BEND6: variants seen among roughly 807,000 people sequenced by gnomAD.
BEND6 encodes the protein BEN domain-containing protein 6.
In BEND6, 24 loss-of-function variants were observed where a neutral mutation model predicts 31.8. The observed-to-expected ratio is 0.75, with a 90% confidence interval of 0.55 to 1.06. The LOEUF (loss-of-function observed/expected upper bound fraction) is 1.06, where lower values mean the gene tolerates loss of function less well. Ranked by LOEUF, BEND6 falls within the 50% of genes least tolerant of loss-of-function variation. The pLI is 0.00. For missense variants in BEND6, 294 were observed against 327.4 expected, an observed-to-expected ratio of 0.90 and a Z score of 0.79; for synonymous variants, 109 against 114.6, an observed-to-expected ratio of 0.95 and a Z score of 0.31.
chr6:56,976,766 T>C (rs1391160450), intron 1 of BEND6, among the ~76,000 whole-genome samples: 1 of 151,942 alleles, frequency 6.6e-6, no homozygotes, highest in East Asian at 1.9e-4. Context: ...GGTTTCACCA[T>C]GTTGGCCAAG....
At chr6:56,979,462 G>A (rs560280650) in intron 1 of BEND6, among the ~76,000 whole-genome samples, 25 of 152,090 alleles carry the variant, frequency 1.6e-4, no homozygotes, top group Non-Finnish European at 2.6e-4. Context: ...TAAGAAAATT[G>A]TAACTTCATG....
At chr6:56,962,234 T>A (rs891600702) in intron 1 of BEND6, among the ~76,000 whole-genome samples, 1 of 152,216 alleles carries the variant, frequency 6.6e-6, no homozygotes, top group Non-Finnish European at 1.5e-5. Context: ...CTGTTCATTA[T>A]GAATTACTAA....
chr6:57,019,948 A>C (rs946629829), intron 6 of BEND6, among the ~76,000 whole-genome samples: 1 of 152,088 alleles, frequency 6.6e-6, no homozygotes, highest in African/African-American at 2.4e-5. Flanking sequence ...GAAGAAAAAA[A>C]ATTAGCCCAG....
chr6:57,021,127 G>A (rs961300106), intron 6 of BEND6, among the ~76,000 whole-genome samples: 11 of 152,182 alleles, frequency 7.2e-5, no homozygotes, highest in Non-Finnish European at 1.6e-4. Context: ...ATCAGTAATG[G>A]AGATTAGCTA....
chr6:56,973,575 CCT>C (rs754740269), intron 1 of BEND6, among the ~76,000 whole-genome samples: 2 of 152,182 alleles, frequency 1.3e-5, no homozygotes, highest in South Asian at 2.1e-4. Flanking sequence ...ATGTGGTCTT[CCT>C]CTCTCTCAAA....
chr6:57,001,278 C>T (rs1173279529), intron 3 of BEND6, among the ~76,000 whole-genome samples: 1 of 151,662 alleles, frequency 6.6e-6, no homozygotes, highest in Non-Finnish European at 1.5e-5. Context: ...ATCCTTCCAC[C>T]TCACTCTCCC....
intron 1 of BEND6, among the ~76,000 whole-genome samples, chr6:56,972,055 CAT>C (rs1240842344): frequency 6.8e-6 from 1 of 147,486 alleles, no homozygotes; most frequent in Non-Finnish European, 1.5e-5. Flanking sequence ...AAGCTTTTGC[CAT>C]ATGTTTTCTT....
intron 3 of BEND6, chr6:57,004,735 T>G: frequency 7.2e-7 from 1 of 1,397,550 alleles, no homozygotes; most frequent in Non-Finnish European, 1.0e-6. Flanking sequence ...TGACCCCCAT[T>G]TGTGTGACTT....
chr6:56,984,799 C>A (rs1826198343), intron 2 of BEND6, among the ~76,000 whole-genome samples: 1 of 152,132 alleles, frequency 6.6e-6, no homozygotes, highest in South Asian at 2.1e-4. Flanking sequence ...GAAGGAAACA[C>A]CCTGCATCTG....
chr6:56,955,868 C>G (rs1211877559), intron 1 of BEND6, among the ~76,000 whole-genome samples: 2 of 152,196 alleles, frequency 1.3e-5, no homozygotes. Context: ...CACACTCTGT[C>G]TCCCCTTTGT....
chr6:57,016,126 C>T (rs901651260), intron 4 of BEND6, among the ~76,000 whole-genome samples: 3 of 152,086 alleles, frequency 2.0e-5, no homozygotes, highest in Non-Finnish European at 4.4e-5. Context: ...AAATTTCAGC[C>T]TCAGCATGCT....
chr6:56,975,971 G>A (rs994094015), intron 1 of BEND6: 26 of 519,312 alleles, frequency 5.0e-5, no homozygotes, highest in Admixed American at 1.2e-4. Context: ...CATGGTCGAC[G>A]CCATGTGCAG....
At chr6:56,984,382 G>A (rs1826179409) in intron 2 of BEND6, among the ~76,000 whole-genome samples, 1 of 152,196 alleles carries the variant, frequency 6.6e-6, no homozygotes, top group African/African-American at 2.4e-5. Flanking sequence ...GTTCACATCA[G>A]TGTACGTGCC....
intron 3 of BEND6, among the ~76,000 whole-genome samples, chr6:57,011,715 C>CAAAAAAA (rs770049459): frequency 8.8e-5 from 3 of 34,088 alleles, no homozygotes; most frequent in Non-Finnish European, 1.2e-4. Context: ...GGCCCTGTCT[C>CAAAAAAA]AAAAAAAAAA....
chr6:56,964,826 G>A (rs1378163666), intron 1 of BEND6, among the ~76,000 whole-genome samples: 1 of 152,060 alleles, frequency 6.6e-6, no homozygotes, highest in East Asian at 1.9e-4. Flanking sequence ...TCTGAACCTC[G>A]ACGTTAGGTT....
At chr6:56,985,470 C>G (rs1826225020) in intron 2 of BEND6, among the ~76,000 whole-genome samples, 1 of 152,246 alleles carries the variant, frequency 6.6e-6, no homozygotes, top group Middle Eastern at 3.4e-3. Flanking sequence ...CTGCCCTCCC[C>G]TCACTCTCCC....
At chr6:56,982,910 A>G (rs1429516966) in intron 2 of BEND6, among the ~76,000 whole-genome samples, 2 of 152,158 alleles carry the variant, frequency 1.3e-5, no homozygotes, top group African/African-American at 4.8e-5. Context: ...TTTACTTAAT[A>G]TATTTTGAAG....
At chr6:57,022,687 G>A (rs1827788120) in intron 6 of BEND6, among the ~76,000 whole-genome samples, 1 of 151,672 alleles carries the variant, frequency 6.6e-6, no homozygotes, top group East Asian at 1.9e-4. Flanking sequence ...GGCTCCGTTT[G>A]TTCCTGCTTT....
At chr6:56,977,116 T>C (rs567870096) in intron 1 of BEND6, among the ~76,000 whole-genome samples, 1 of 152,316 alleles carries the variant, frequency 6.6e-6, no homozygotes, top group Non-Finnish European at 1.5e-5. Flanking sequence ...AGGAAAACCA[T>C]TTACAGATAG....
Sources: gnomAD v4.1 joint callset for allele counts (sites outside exome capture counted in the v4.1 genomes callset) on GRCh38, gnomAD v4.1.1 for gene constraint, MANE v1.5 for transcripts, NCBI Gene and HGNC (gene_info 2026-07-23, HGNC 2026-07-21) for gene names.